The following FER variants were observed in gnomAD, a reference collection of about 807,000 sequenced individuals.
FER encodes the protein tyrosine-protein kinase Fer.
FER carries 63 observed loss-of-function variants against 111.0 expected under a neutral mutation model. The observed-to-expected ratio is 0.57, with a 90% confidence interval of 0.46 to 0.70. FER has a LOEUF of 0.70. Ranked by LOEUF, FER falls within the 30% of genes least tolerant of loss-of-function variation. The pLI is 0.00. For synonymous variants in FER, 327 were observed against 313.9 expected, an observed-to-expected ratio of 1.04 and a Z score of -0.44; for missense variants, 914 against 954.0, an observed-to-expected ratio of 0.96 and a Z score of 0.55.
intron 17 of FER, among the ~76,000 whole-genome samples, chr5:109,123,224 C>T (rs1242119638): frequency 2.1e-5 from 3 of 143,834 alleles, no homozygotes; most frequent in South Asian, 2.2e-4. Context: ...GGTGCAATCT[C>T]GGCTCACTGC....
At chr5:108,953,710 T>A (rs1352536581) in intron 11 of FER, among the ~76,000 whole-genome samples, 3 of 152,154 alleles carry the variant, frequency 2.0e-5, no homozygotes, top group Non-Finnish European at 4.4e-5. Flanking sequence ...TAAAACTTCA[T>A]ATATGAATAT....
rs1036019883 is a variant in FER at position 108,797,130 on chromosome 5, G to GT, written c.-59-986dup. Among the ~76,000 whole-genome samples, 12 of 151,720 alleles carry GT rather than the reference G, an allele frequency of 7.9e-5. No individual in the cohort carries two copies. In the East Asian group the frequency reaches 1.6e-3, roughly 20 times the overall value. On this transcript the variant is annotated intron_variant, in intron 2 of 19. Transcript: ENST00000281092. The stretch of plus-strand genomic sequence containing the variant: ...GGGTCCTCCCTTTCAAGGCAGCGGG[G>GT]TTTTTTTTGGCCCAGGTTGTGTTTA...
intron 3 of FER, among the ~76,000 whole-genome samples, chr5:108,805,621 CAGAT>C (rs1462556757): frequency 6.6e-6 from 1 of 152,134 alleles, no homozygotes; most frequent in African/African-American, 2.4e-5. Flanking sequence ...GAGGTAGTCT[CAGAT>C]AGAGATGAGG....
At chr5:108,916,576 A>G (rs901697493) in intron 10 of FER, among the ~76,000 whole-genome samples, 8 of 152,138 alleles carry the variant, frequency 5.3e-5, no homozygotes, top group Non-Finnish European at 1.2e-4. Flanking sequence ...TGTTGTGGGT[A>G]TTTAGATATA....
At chr5:108,835,849 A>C in intron 5 of FER, 42 bp downstream of exon 5, 1 of 1,123,884 alleles carries the variant, frequency 8.9e-7, no homozygotes, top group Non-Finnish European at 1.3e-6. Context: ...GGTGATTTTT[A>C]TTCTTACTGT....
chr5:109,022,127 T>C (rs760367984), intron 13 of FER, among the ~76,000 whole-genome samples: 4 of 152,104 alleles, frequency 2.6e-5, no homozygotes, highest in Non-Finnish European at 4.4e-5. Flanking sequence ...TGTGCCCATA[T>C]ACAGTCCATG....
chr5:108,787,796 G>C (rs1754908341), intron 2 of FER, among the ~76,000 whole-genome samples: 1 of 152,116 alleles, frequency 6.6e-6, no homozygotes, highest in South Asian at 2.1e-4. Context: ...TTCTGAGTTG[G>C]GCACACATTG....
At chr5:108,819,166 C>T (rs894874450) in intron 3 of FER, among the ~76,000 whole-genome samples, 1 of 150,540 alleles carries the variant, frequency 6.6e-6, no homozygotes, top group Admixed American at 6.6e-5. Context: ...CAGGTGTGCA[C>T]CACCATGCTC....
At chr5:109,030,994 T>C (rs982980320) in intron 13 of FER, among the ~76,000 whole-genome samples, 6 of 152,088 alleles carry the variant, frequency 3.9e-5, no homozygotes, top group African/African-American at 1.4e-4. Context: ...CTGTTACTTG[T>C]GGGCCATCCC....
At chr5:108,868,081 C>T in intron 6 of FER, 131 bp downstream of exon 6, 1 of 792,026 alleles carries the variant, frequency 1.3e-6, no homozygotes, top group East Asian at 2.8e-5. Flanking sequence ...GACCTTGATT[C>T]TTCTTGATTT....
intron 10 of FER, among the ~76,000 whole-genome samples, chr5:108,906,801 C>T (rs1436027231): frequency 6.6e-6 from 1 of 151,874 alleles, no homozygotes; most frequent in Non-Finnish European, 1.5e-5. Context: ...TGGAAAATAA[C>T]AGCTTTTGAT....
intron 5 of FER, chr5:108,841,886 G>C (rs914739045): frequency 1.0e-5 from 4 of 381,192 alleles, no homozygotes; most frequent in African/African-American, 8.6e-5. Flanking sequence ...CCTGGGATTT[G>C]TAAGGATTAG....
chr5:108,776,519 A>C (rs1053825586), intron 2 of FER, among the ~76,000 whole-genome samples: 34 of 152,188 alleles, frequency 2.2e-4, no homozygotes, highest in African/African-American at 8.0e-4. Context: ...GTTGAAAAAC[A>C]GGAGACATTT....
chr5:109,109,107 C>T (rs1182597556), intron 17 of FER, among the ~76,000 whole-genome samples: 2 of 152,042 alleles, frequency 1.3e-5, no homozygotes, highest in Non-Finnish European at 2.9e-5. Flanking sequence ...GCTTCAGCAT[C>T]GTGGCTAAGA....
intron 16 of FER, among the ~76,000 whole-genome samples, chr5:109,061,262 A>C (rs116514322): frequency 2.2e-3 from 336 of 152,308 alleles, no homozygotes; most frequent in Middle Eastern, 0.01. Flanking sequence ...CCACTTCAAA[A>C]TTATTTGTCT....
chr5:108,856,200 GC>G (rs1371199668), intron 5 of FER, among the ~76,000 whole-genome samples: 2 of 152,134 alleles, frequency 1.3e-5, no homozygotes, highest in African/African-American at 2.4e-5. Flanking sequence ...GGTTAGATAT[GC>G]TGGTGAAAGC....
In FER at chr5:109,145,879, C is replaced by T. The variant is rs371677302; in HGVS notation, c.2049-34868C>T. On this transcript the variant is annotated intron_variant, in intron 17 of 19. Coordinates refer to ENST00000281092, the MANE Select transcript of FER (RefSeq NM_005246.4). ...TGTGCTGAATATTGAAGCTATTTGG[C>T]TGCCTAGAAAATATATCTTACAATT... Among the ~76,000 whole-genome samples, 3 of 151,012 alleles carry T rather than the reference C, an allele frequency of 2.0e-5. 1 individual carries two copies. Among genetic ancestry groups the T allele is most frequent in the African/African-American group, 7.3e-5 (3 of 41,142 alleles).
chr5:108,952,699 T>C lies in FER; in HGVS notation c.1330-2030T>C, dbSNP rs567053959. On this transcript the variant is annotated intron_variant, in intron 11 of 19. Transcript: ENST00000281092. The stretch of plus-strand genomic sequence containing the variant: ...ACAAAACTCAGATACTTTCCCCAGA[T>C]GACTTTTTCCCCCATACATATTCTT... 5.9e-5 allele frequency among the ~76,000 whole-genome samples: 9 copies of C among 152,256 alleles called. No homozygotes were observed. The East Asian group carries it at 1.5e-3, about 26-fold the overall frequency.
At chr5:109,139,806 A>G (rs985694787) in intron 17 of FER, among the ~76,000 whole-genome samples, 1 of 152,102 alleles carries the variant, frequency 6.6e-6, no homozygotes, top group African/African-American at 2.4e-5. Flanking sequence ...AAACATCTCA[A>G]TTTTACATTG....
Sources: allele counts gnomAD v4.1 joint callset (sites outside exome capture counted in the v4.1 genomes callset), GRCh38; gene constraint gnomAD v4.1.1; transcripts MANE v1.5; gene names NCBI Gene and HGNC (gene_info 2026-07-23, HGNC 2026-07-21).